Variants in PRKN observed in about 807,000 individuals in gnomAD.
PRKN encodes the protein E3 ubiquitin-protein ligase parkin.
A neutral mutation model predicts 59.5 loss-of-function variants in PRKN; 56 were observed. That is an observed-to-expected ratio of 0.94 (90% CI 0.76 to 1.18). The LOEUF (loss-of-function observed/expected upper bound fraction) is 1.18, where lower values mean the gene tolerates loss of function less well. PRKN is among the 50% of genes most tolerant of loss of function. The pLI, the probability that PRKN is intolerant of heterozygous loss-of-function variation, is 0.00. For synonymous variants in PRKN, 250 were observed against 222.1 expected (o/e 1.13, Z -1.12); for missense variants, 657 against 596.4 (o/e 1.10, Z -1.06).
At chr6:162,277,181 T>G (rs1003845995) in intron 2 of PRKN, among the ~76,000 whole-genome samples, 3 of 152,144 alleles carry the variant, frequency 2.0e-5, no homozygotes, top group African/African-American at 7.2e-5. Flanking sequence ...GATCCAAGAT[T>G]GGTGGGAATC....
chr6:161,848,647 G>C (rs557731955), intron 6 of PRKN, among the ~76,000 whole-genome samples: 16 of 152,294 alleles, frequency 1.1e-4, no homozygotes, highest in African/African-American at 3.8e-4. Context: ...TGGGGAATCT[G>C]AACTAGGCCC....
At chr6:162,303,104 A>G in intron 2 of PRKN, among the ~76,000 whole-genome samples, 1 of 150,376 alleles carries the variant, frequency 6.6e-6, no homozygotes, top group East Asian at 1.9e-4. Context: ...AAGGTAATTC[A>G]GTACTATTTG....
chr6:161,757,832 CATCTCTCTCTCT>C, intron 7 of PRKN, among the ~76,000 whole-genome samples: 1 of 32,850 alleles, frequency 3.0e-5, no homozygotes, highest in South Asian at 8.4e-4. Context: ...AGCAAAACTC[CATCTCTCTCTCT>C]CTCTCTCTCT....
rs148451712 is a variant in PRKN, at chr6:162,199,790, C to T, written c.534+1341G>A. 2.0e-5 allele frequency among the ~76,000 whole-genome samples: 3 copies of T among 152,254 alleles called. No individual in the cohort carries two copies. In the East Asian group the frequency reaches 5.8e-4, roughly 29 times the overall value. ...TGAATCACAGCTTTCTGTAATTCCA[C>T]CATTTTCTCAGGCCTGAGAAGATGG... is the stretch of plus-strand genomic sequence containing the variant. On this transcript the variant is annotated intron_variant, in intron 4 of 11. Coordinates refer to ENST00000366898, the MANE Select transcript of PRKN (RefSeq NM_004562.3).
rs1784631726 is a variant in PRKN, at chr6:161,353,283, G to T, written c.1286-3072C>A. On this transcript the variant is annotated intron_variant, in intron 11 of 11. Coordinates refer to ENST00000366898, the MANE Select transcript of PRKN (RefSeq NM_004562.3). The surrounding 1 kb of genome is among the most constrained non-coding windows in gnomAD (Gnocchi z 4.8). ...CAGCTGTTCTGACTGTGGGTTATAA[G>T]ACCCGGATTTCAGAAAGAGTCCTGT... Among the ~76,000 whole-genome samples the T allele has an allele frequency of 6.6e-6, 1 of 152,142 alleles. No homozygotes were observed. The highest frequency in any genetic ancestry group is 6.6e-5 in the Admixed American group (1 of 15,262).
intron 5 of PRKN, among the ~76,000 whole-genome samples, chr6:162,052,497 A>G (rs193043917): frequency 6.6e-5 from 10 of 151,800 alleles, no homozygotes. Flanking sequence ...GATTTTTCTG[A>G]TTGTTAATTT....
chr6:162,355,445 G>GAT (rs910118750), intron 2 of PRKN, among the ~76,000 whole-genome samples: 1 of 149,516 alleles, frequency 6.7e-6, no homozygotes, highest in African/African-American at 2.5e-5. Context: ...ATTTTGTGTA[G>GAT]ATATATATAC....
intron 3 of PRKN, among the ~76,000 whole-genome samples, chr6:162,237,298 C>G (rs1778777904): frequency 1.3e-5 from 2 of 152,046 alleles, no homozygotes; most frequent in African/African-American, 4.8e-5. Flanking sequence ...AACAATAGGG[C>G]AAGACCTAGT....
chr6:161,583,018 ACACAT>A, intron 7 of PRKN, among the ~76,000 whole-genome samples: 1 of 113,278 alleles, frequency 8.8e-6, no homozygotes, highest in East Asian at 3.9e-4. Context: ...ACACACACAC[ACACAT>A]ACACATTTTG....
intron 6 of PRKN, among the ~76,000 whole-genome samples, chr6:161,938,585 T>G (rs1448873717): frequency 6.6e-6 from 1 of 152,178 alleles, no homozygotes; most frequent in African/African-American, 2.4e-5. Context: ...ATTTTGAGAT[T>G]ATTATAATCA....
At chr6:162,646,935 A>G (rs1413803868) in intron 1 of PRKN, among the ~76,000 whole-genome samples, 1 of 152,222 alleles carries the variant, frequency 6.6e-6, no homozygotes, top group Non-Finnish European at 1.5e-5. Flanking sequence ...TGACCAAAAC[A>G]TTATTATGTG....
At position 161,549,026 on chromosome 6, in the gene PRKN, T is replaced by C; in HGVS notation, c.934-23A>G. 1 of 1,614,092 alleles carries C rather than the reference T, an allele frequency of 6.2e-7. No homozygotes were observed. Among genetic ancestry groups the C allele is most frequent in the South Asian group, 1.1e-5 (1 of 91,076 alleles). On this transcript the variant is annotated intron_variant, in intron 8 of 11. Coordinates refer to ENST00000366898, the MANE Select transcript of PRKN (RefSeq NM_004562.3). This position sits in a 1 kb window ranked among gnomAD's most constrained non-coding sequence, Gnocchi z 6.0. ...GTACTGCAAAACCCAAAAAGCAGAT[T>C]GAGCTTTCAAACTGACTGCAAATTT...
At chr6:162,149,281 G>A (rs192234795) in intron 4 of PRKN, among the ~76,000 whole-genome samples, 7 of 152,164 alleles carry the variant, frequency 4.6e-5, no homozygotes, top group Admixed American at 1.3e-4. Flanking sequence ...GTCTCACTCT[G>A]TCACCCAGGC....
intron 4 of PRKN, among the ~76,000 whole-genome samples, chr6:162,141,809 C>T (rs1265591976): frequency 1.3e-5 from 2 of 152,188 alleles, no homozygotes; most frequent in Non-Finnish European, 2.9e-5. Flanking sequence ...AAAGAAATAG[C>T]TGCCCATTGT....
At chr6:162,496,961 G>A (rs1197237664) in intron 1 of PRKN, among the ~76,000 whole-genome samples, 7 of 152,096 alleles carry the variant, frequency 4.6e-5, no homozygotes, top group South Asian at 4.1e-4. Flanking sequence ...GCCATGTTTC[G>A]AAACCTCCTT....
intron 1 of PRKN, among the ~76,000 whole-genome samples, chr6:162,600,651 T>A (rs1221606527): frequency 6.6e-6 from 1 of 152,114 alleles, no homozygotes. Flanking sequence ...GGTGCATAGA[T>A]CATGGGGGCA....
intron 7 of PRKN, among the ~76,000 whole-genome samples, chr6:161,748,152 C>T (rs1041108176): frequency 2.0e-5 from 3 of 152,130 alleles, no homozygotes; most frequent in Non-Finnish European, 2.9e-5. Flanking sequence ...ATTGGGACAT[C>T]GCTGCATACG....
chr6:162,625,234 G>A (rs567618304), intron 1 of PRKN, among the ~76,000 whole-genome samples: 1 of 152,200 alleles, frequency 6.6e-6, no homozygotes, highest in Non-Finnish European at 1.5e-5. Flanking sequence ...GAATAAATCA[G>A]TGTTGTTGAA....
chr6:161,666,272 C>T (rs1784722415), intron 7 of PRKN, among the ~76,000 whole-genome samples: 3 of 152,142 alleles, frequency 2.0e-5, no homozygotes, highest in Non-Finnish European at 4.4e-5. Context: ...AATTATCACC[C>T]GAGCTCCACC....
Sources: allele counts gnomAD v4.1 joint callset (sites outside exome capture counted in the v4.1 genomes callset), GRCh38; gene constraint gnomAD v4.1.1; non-coding constraint Gnocchi (gnomAD v3.1); transcripts MANE v1.5; gene names NCBI Gene and HGNC (gene_info 2026-07-23, HGNC 2026-07-21).